Variants in C12orf76 observed in about 807,000 individuals in gnomAD.
C12orf76 encodes the protein uncharacterized protein C12orf76.
In C12orf76, 6 loss-of-function variants were observed where a neutral mutation model predicts 6.8. The observed-to-expected ratio is 0.88, with a 90% CI of 0.48 to 1.73. The LOEUF (loss-of-function observed/expected upper bound fraction) is 1.73. Among genes scored for constraint, C12orf76 ranks in the 40% most tolerant of loss-of-function variants. C12orf76 has a pLI of 0.01. For synonymous variants in C12orf76, 56 were observed against 43.7 expected, an observed-to-expected ratio of 1.28 and a Z score of -1.11; for missense variants, 99 against 98.2, an observed-to-expected ratio of 1.01 and a Z score of -0.03.
chr12:110,061,165 G>A lies in C12orf76; in HGVS notation n.381-2002C>T, dbSNP rs374070554. Among the ~76,000 whole-genome samples, 21 of 150,652 alleles carry A rather than the reference G, an allele frequency of 1.4e-4. No individual in the cohort carries two copies. The East Asian group carries it at 4.1e-3, about 29-fold the overall frequency. Reference sequence around the variant, plus strand: ...ACCTATTCAACATCTACATGCATATGTTCCATGAACACTTCGAACTCAATG... The same window carrying A: ...ACCTATTCAACATCTACATGCATATATTCCATGAACACTTCGAACTCAATG... On this transcript the variant is annotated intron_variant and non_coding_transcript_variant, in intron 2 of 4. Transcript: ENST00000309050.
chr12:110,045,757 G>A lies in C12orf76; in HGVS notation c.133+2606C>T, dbSNP rs553078579. Among the ~76,000 whole-genome samples the A allele has an allele frequency of 2.6e-5, 4 of 151,828 alleles. No individual in the cohort carries two copies. The South Asian group carries it at 6.2e-4, about 24-fold the overall frequency. Reference sequence around the variant, plus strand: ...GCAGATCACTTGAGATCAAGACTTCGAGACAAGCCTGGCCAACATGGAGAA... The same window carrying A: ...GCAGATCACTTGAGATCAAGACTTCAAGACAAGCCTGGCCAACATGGAGAA... On this transcript the variant is annotated intron_variant, in intron 1 of 1. Coordinates refer to ENST00000615315, the MANE Select transcript of C12orf76 (RefSeq NM_001389625.1).
intron 3 of C12orf76, among the ~76,000 whole-genome samples, chr12:110,057,833 G>A (rs1892696357): frequency 1.3e-5 from 2 of 152,018 alleles, no homozygotes; most frequent in Admixed American, 6.6e-5. Context: ...GGAGGCCAAG[G>A]CAGGTGGATA....
chr12:110,050,322 C>A, upstream of C12orf76: 1 of 152,588 alleles, frequency 6.6e-6, no homozygotes, highest in East Asian at 1.9e-4. Context: ...TCATTCACCT[C>A]ACAATGGATG....
chr12:110,068,256 G>GAAGAAGAAGA (rs1892904392), upstream of C12orf76, among the ~76,000 whole-genome samples: 1 of 65,700 alleles, frequency 1.5e-5, no homozygotes, highest in Admixed American at 1.4e-4. Context: ...GAAAGAAGAA[G>GAAGAAGAAGA]AAGAAGAAGA....
At position 110,048,384 on chromosome 12, in the gene C12orf76, C is replaced by A. The variant is rs753245678; in HGVS notation, c.112G>T (p.Val38Leu). 6 of 1,515,296 alleles carry A rather than the reference C, an allele frequency of 4.0e-6. No homozygotes were observed. Among genetic ancestry groups the A allele is most frequent in the Non-Finnish European group, 4.4e-6 (5 of 1,137,084 alleles). The allele number at this position is 1,515,296 out of a possible 1,614,324, so 93.9% of individuals were successfully genotyped here. The change falls in exon 1 of 2, where the codon GTG (valine) becomes TTG (leucine). Residue 38 changes from valine (V) to leucine (L), a missense_variant. Transcript: ENST00000615315. The stretch of plus-strand genomic sequence containing the variant: ...TCACCCAGGTTCTGCCCTCGCAGCA[C>A]CGCGTACGGCCGGCTCCGCTCCAGC... ...DPLERSRPYAVLRGQNLVLMG... is the reference protein window; with the variant it reads ...DPLERSRPYALLRGQNLVLMG...
At chr12:110,055,830 T>A (rs952211533) in intron 4 of C12orf76, among the ~76,000 whole-genome samples, 19 of 152,258 alleles carry the variant, frequency 1.2e-4, no homozygotes, top group African/African-American at 4.3e-4. Flanking sequence ...CAAGATCAGA[T>A]GAGTCAGTTT....
At chr12:110,046,198 T>A (rs184824018) in intron 1 of C12orf76, among the ~76,000 whole-genome samples, 186 of 152,024 alleles carry the variant, frequency 1.2e-3, no homozygotes, top group African/African-American at 4.2e-3. Flanking sequence ...GAGGCCACAG[T>A]GGGCAGTTCA....
At chr12:110,058,900 G>A in intron 3 of C12orf76, 3 of 1,391,466 alleles carry the variant, frequency 2.2e-6, no homozygotes. Flanking sequence ...CTATTTTGCT[G>A]ACATATATTA....
At chr12:110,063,339 A>G (rs1237113402) in intron 2 of C12orf76, among the ~76,000 whole-genome samples, 1 of 151,930 alleles carries the variant, frequency 6.6e-6, no homozygotes, top group African/African-American at 2.4e-5. Flanking sequence ...GGTGGGGTGC[A>G]GTGGTGCAAT....
upstream of C12orf76, chr12:110,048,693 C>T (rs1175665153): frequency 2.4e-6 from 3 of 1,240,948 alleles, no homozygotes; most frequent in Middle Eastern, 3.1e-4. Flanking sequence ...ATGTTTCCCC[C>T]GGACCAACTT....
At chr12:110,064,519 T>C (rs1239935014) in intron 2 of C12orf76, among the ~76,000 whole-genome samples, 1 of 152,196 alleles carries the variant, frequency 6.6e-6, no homozygotes, top group African/African-American at 2.4e-5. Flanking sequence ...CAGCACTCAG[T>C]AGCTGTTATG....
chr12:110,049,250 C>A (rs1892532872), upstream of C12orf76: 1 of 152,274 alleles, frequency 6.6e-6, no homozygotes, highest in South Asian at 2.1e-4. Context: ...GACGGGCAGC[C>A]CGGCGCCAGG....
At chr12:110,042,684 A>T in intron 1 of C12orf76, 1 of 670,758 alleles carries the variant, frequency 1.5e-6, no homozygotes, top group East Asian at 2.7e-5. Context: ...GAAAAAAAAA[A>T]ACAGTAACAT....
chr12:110,073,268 T>C (rs1245698673), intron 1 of C12orf76, among the ~76,000 whole-genome samples: 2 of 152,248 alleles, frequency 1.3e-5, no homozygotes, highest in African/African-American at 2.4e-5. Context: ...TCTTGCCTGA[T>C]GCTGCTTCCT....
chr12:110,072,496 G>GTTT (rs1218170192), upstream of C12orf76, among the ~76,000 whole-genome samples: 1 of 145,434 alleles, frequency 6.9e-6, no homozygotes, highest in Non-Finnish European at 1.5e-5. Flanking sequence ...GGTTTTTTTT[G>GTTT]TTTTTTTTTT....
upstream of C12orf76, among the ~76,000 whole-genome samples, chr12:110,068,259 GAA>G (rs1566080039): frequency 3.3e-3 from 289 of 86,364 alleles, 3 homozygotes; most frequent in Middle Eastern, 0.031. Context: ...AGAAGAAGAA[GAA>G]GAAGAAGAAG....
At chr12:110,060,533 A>G (rs1276199137) in intron 2 of C12orf76, among the ~76,000 whole-genome samples, 2 of 152,100 alleles carry the variant, frequency 1.3e-5, no homozygotes, top group Non-Finnish European at 2.9e-5. Flanking sequence ...AGCTTGCAGG[A>G]ATCCACCTTT....
At chr12:110,043,004 C>A (rs142915423) in intron 1 of C12orf76, among the ~76,000 whole-genome samples, 2 of 151,728 alleles carry the variant, frequency 1.3e-5, no homozygotes, top group Non-Finnish European at 2.9e-5. Flanking sequence ...CGCTTGAACC[C>A]GAGAGGCGGA....
upstream of C12orf76, chr12:110,051,411 G>A: frequency 1.6e-6 from 1 of 608,532 alleles, no homozygotes; most frequent in Non-Finnish European, 2.9e-6. Flanking sequence ...CTCGCTATAG[G>A]AAAGCTGCTG....
Sources: gnomAD v4.1 joint callset for allele counts (sites outside exome capture counted in the v4.1 genomes callset) on GRCh38, gnomAD v4.1.1 for gene constraint, MANE v1.5 for transcripts, NCBI Gene and HGNC (gene_info 2026-07-23, HGNC 2026-07-21) for gene names.